GALNT13: variants seen among roughly 807,000 people sequenced by gnomAD.
GALNT13 encodes the protein polypeptide N-acetylgalactosaminyltransferase 13, also known as UDP-GalNAc:polypeptide N-acetylgalactosaminyltransferase 13.
In GALNT13, 28 loss-of-function variants were observed where a neutral mutation model predicts 64.2. That is an observed-to-expected ratio of 0.44 (90% CI 0.32 to 0.60). The LOEUF (loss-of-function observed/expected upper bound fraction) is 0.60. Among genes scored for constraint, GALNT13 ranks in the 20% least tolerant of loss-of-function variants. The pLI is 0.05. For missense variants in GALNT13, 577 were observed against 669.8 expected (o/e 0.86, Z 1.53); for synonymous variants, 214 against 224.6 (o/e 0.95, Z 0.42).
chr2:154,331,988 T>C (rs1244522510), intron 9 of GALNT13, among the ~76,000 whole-genome samples: 2 of 152,152 alleles, frequency 1.3e-5, no homozygotes, highest in East Asian at 1.9e-4. Context: ...ATGTGCTGTC[T>C]CCACGTGATC....
chr2:153,222,310 G>GC, the GALNT13 span, among the ~76,000 whole-genome samples: 1 of 127,946 alleles, frequency 7.8e-6, no homozygotes, highest in Non-Finnish European at 1.7e-5. Context: ...GTCTGGCTGG[G>GC]GGGGGGGGGG....
At chr2:153,672,213 C>T in the GALNT13 span, among the ~76,000 whole-genome samples, 1 of 152,178 alleles carries the variant, frequency 6.6e-6, no homozygotes, top group Non-Finnish European at 1.5e-5. Context: ...TAATAGACAT[C>T]TACAGAACCG....
At chr2:153,583,541 T>G in the GALNT13 span, among the ~76,000 whole-genome samples, 2 of 152,176 alleles carry the variant, frequency 1.3e-5, no homozygotes, top group African/African-American at 4.8e-5. Context: ...ATTCCCAATA[T>G]GGGAGAGGGT....
chr2:154,099,781 T>C (rs939546035), intron 3 of GALNT13, among the ~76,000 whole-genome samples: 2 of 152,036 alleles, frequency 1.3e-5, no homozygotes, highest in Non-Finnish European at 2.9e-5. Context: ...CTACAAAAAA[T>C]TTTAAGAAAT....
At chr2:153,526,303 A>C in the GALNT13 span, among the ~76,000 whole-genome samples, 88 of 152,246 alleles carry the variant, frequency 5.8e-4, no homozygotes, top group Admixed American at 5.7e-3. Context: ...AGTGGTGGCC[A>C]CAGGCGTGCT....
the GALNT13 span, among the ~76,000 whole-genome samples, chr2:153,331,247 T>C: frequency 6.7e-6 from 1 of 149,988 alleles, no homozygotes; most frequent in East Asian, 1.9e-4. Context: ...TTTCATCATG[T>C]CTTTGCCAAG....
At chr2:153,260,415 G>T in the GALNT13 span, among the ~76,000 whole-genome samples, 1 of 152,114 alleles carries the variant, frequency 6.6e-6, no homozygotes, top group Non-Finnish European at 1.5e-5. Context: ...AGTTTTGTAT[G>T]ATTGGGAAAG....
At chr2:153,893,558 A>G (rs759762017) in intron 1 of GALNT13, among the ~76,000 whole-genome samples, 1 of 152,080 alleles carries the variant, frequency 6.6e-6, no homozygotes, top group Non-Finnish European at 1.5e-5. Context: ...ATTTATATAC[A>G]TATATAGGCA....
the GALNT13 span, among the ~76,000 whole-genome samples, chr2:153,343,281 T>C: frequency 1.3e-5 from 2 of 152,190 alleles, no homozygotes; most frequent in Non-Finnish European, 1.5e-5. Flanking sequence ...CAAGATGAGA[T>C]ACAGTCAGAG....
intron 9 of GALNT13, among the ~76,000 whole-genome samples, chr2:154,390,561 G>C (rs138928240): frequency 6.6e-6 from 1 of 152,100 alleles, no homozygotes; most frequent in Non-Finnish European, 1.5e-5. Flanking sequence ...ACATGATCTC[G>C]TTCTTTTTTA....
At chr2:153,316,213 C>T in the GALNT13 span, among the ~76,000 whole-genome samples, 937 of 152,196 alleles carry the variant, frequency 6.2e-3, 5 homozygotes, top group Non-Finnish European at 9.4e-3. Flanking sequence ...GCAGTGCTAA[C>T]AGGAATATAA....
the GALNT13 span, among the ~76,000 whole-genome samples, chr2:153,443,826 G>A: frequency 1.3e-5 from 2 of 152,096 alleles, no homozygotes; most frequent in African/African-American, 4.8e-5. Flanking sequence ...AGGAGGCTGA[G>A]ACAGGAGAAT....
chr2:154,277,460 A>G (rs1047537726), intron 8 of GALNT13, among the ~76,000 whole-genome samples: 3 of 152,194 alleles, frequency 2.0e-5, no homozygotes, highest in African/African-American at 7.2e-5. Flanking sequence ...TGTCACACTT[A>G]GTGATGTCTA....
the GALNT13 span, among the ~76,000 whole-genome samples, chr2:153,841,720 C>G: frequency 3.9e-5 from 6 of 152,102 alleles, no homozygotes; most frequent in Non-Finnish European, 8.8e-5. Context: ...GAGAAAATCA[C>G]AAGAGCATCT....
intron 1 of GALNT13, among the ~76,000 whole-genome samples, chr2:153,883,001 C>G (rs1384157913): frequency 7.1e-6 from 1 of 140,928 alleles, no homozygotes; most frequent in South Asian, 2.3e-4. Flanking sequence ...GCAAGAAACA[C>G]ACAGAGGACC....
intron 4 of GALNT13, among the ~76,000 whole-genome samples, chr2:154,179,824 TAAAAAAA>T (rs56303526): frequency 4.7e-5 from 6 of 126,508 alleles, no homozygotes; most frequent in Non-Finnish European, 1.0e-4. Context: ...TCTTCCATGA[TAAAAAAA>T]AAAAAAAAAA....
At chr2:154,037,738 G>T (rs1228544845) in intron 3 of GALNT13, among the ~76,000 whole-genome samples, 1 of 152,082 alleles carries the variant, frequency 6.6e-6, no homozygotes, top group East Asian at 1.9e-4. Flanking sequence ...AAGAAGTCAA[G>T]AAAGTAATCT....
chr2:153,683,533 A>G, the GALNT13 span, among the ~76,000 whole-genome samples: 16 of 151,878 alleles, frequency 1.1e-4, 1 homozygote, highest in South Asian at 3.1e-3. Context: ...ATTGTACTAC[A>G]TGATGTCTTA....
Position 154,088,483 on chromosome 2 carries a change from C to T in GALNT13, c.143-51854C>T, listed in dbSNP as rs893648773. On this transcript the variant is annotated intron_variant, in intron 3 of 12. Transcript: ENST00000392825. ...TTATATATTTAGAGGCGGAGTTTTG[C>T]TCTTGTTGCCTAGGCTGGAGTGCAA... is the stretch of plus-strand genomic sequence containing the variant. Among the ~76,000 whole-genome samples the T allele has an allele frequency of 1.1e-4, 17 of 152,116 alleles. 1 individual carries two copies. The highest frequency in any genetic ancestry group is 9.8e-4 in the Admixed American group (15 of 15,254).
Sources: allele counts gnomAD v4.1 joint callset (sites outside exome capture counted in the v4.1 genomes callset), GRCh38; gene constraint gnomAD v4.1.1; transcripts MANE v1.5; gene names NCBI Gene and HGNC (gene_info 2026-07-23, HGNC 2026-07-21).